Variants in WDR70 observed in about 807,000 individuals in gnomAD.
WDR70 encodes WD repeat-containing protein 70.
Under a neutral mutation model 88.6 loss-of-function variants are expected in WDR70, and 53 were observed. The observed-to-expected ratio is 0.60, with a 90% CI of 0.48 to 0.75. The LOEUF (loss-of-function observed/expected upper bound fraction) is 0.75. WDR70 is among the 30% of genes least tolerant of loss of function. WDR70 has a pLI of 0.00. For synonymous variants in WDR70, 280 were observed against 270.0 expected, an observed-to-expected ratio of 1.04 and a Z score of -0.36; for missense variants, 610 against 823.2, an observed-to-expected ratio of 0.74 and a Z score of 3.17.
At chr5:37,532,359 A>C (rs531246070) in intron 9 of WDR70, among the ~76,000 whole-genome samples, 1 of 152,144 alleles carries the variant, frequency 6.6e-6, no homozygotes, top group Non-Finnish European at 1.5e-5. Context: ...ATGTTTTCCA[A>C]AGTTTTAGAT....
chr5:37,732,626 G>C (rs1008033907), intron 17 of WDR70, among the ~76,000 whole-genome samples: 2 of 151,926 alleles, frequency 1.3e-5, no homozygotes, highest in African/African-American at 4.8e-5. Flanking sequence ...ATGCTAAAAG[G>C]AGCTTTCTTA....
chr5:37,396,753 CCTGGGAGG>C (rs1749026719), intron 5 of WDR70, among the ~76,000 whole-genome samples, 183 bp downstream of exon 5: 1 of 152,094 alleles, frequency 6.6e-6, no homozygotes, highest in African/African-American at 2.4e-5. Context: ...ATCGCTTGAA[CCTGGGAGG>C]CAGAGGTTGC....
chr5:37,583,948 A>G (rs550117037), intron 9 of WDR70, among the ~76,000 whole-genome samples: 1 of 152,336 alleles, frequency 6.6e-6, no homozygotes, highest in African/African-American at 2.4e-5. Context: ...ATAGCATACA[A>G]ATCCAAAATT....
At chr5:37,616,742 T>A (rs1744355458) in intron 10 of WDR70, among the ~76,000 whole-genome samples, 1 of 152,242 alleles carries the variant, frequency 6.6e-6, no homozygotes, top group South Asian at 2.1e-4. Flanking sequence ...GGACTTTTTG[T>A]CTTATTTGCT....
chr5:37,601,113 A>G (rs555393279), intron 9 of WDR70, among the ~76,000 whole-genome samples: 1 of 152,304 alleles, frequency 6.6e-6, no homozygotes, highest in South Asian at 2.1e-4. Flanking sequence ...GGTTTTAGAG[A>G]AAAAGCTATC....
intron 15 of WDR70, 68 bp downstream of exon 15, chr5:37,723,002 C>A: frequency 6.4e-7 from 1 of 1,570,464 alleles, no homozygotes; most frequent in Non-Finnish European, 8.8e-7. Context: ...GATTGCATAG[C>A]TTTAGAGACA....
In WDR70 at chr5:37,570,905, C is replaced by T. The variant is rs1581403158; in HGVS notation, c.918-34159C>T. Among the ~76,000 whole-genome samples, 4 of 152,164 alleles carry T rather than the reference C, an allele frequency of 2.6e-5. No homozygotes were observed. In the East Asian group the frequency reaches 5.8e-4, roughly 22 times the overall value. On this transcript the variant is annotated intron_variant, in intron 9 of 17. Coordinates refer to ENST00000265107, the MANE Select transcript of WDR70 (RefSeq NM_018034.4). ...CTTCCCCAGCAAAATTATTTTCTTG[C>T]CCTAGTTTGATAGCTATAGTAACAC...
chr5:37,393,663 A>G (rs1299890013), intron 4 of WDR70, among the ~76,000 whole-genome samples: 1 of 151,892 alleles, frequency 6.6e-6, no homozygotes, highest in Non-Finnish European at 1.5e-5. Context: ...TACAATTTCC[A>G]AGGTTCCTCT....
chr5:37,515,624 A>G (rs561811702), intron 8 of WDR70, among the ~76,000 whole-genome samples: 1 of 152,250 alleles, frequency 6.6e-6, no homozygotes, highest in Non-Finnish European at 1.5e-5. Flanking sequence ...CTCCAGGCCT[A>G]TGTATCTTTT....
chr5:37,635,795 T>C (rs554157048), intron 10 of WDR70, among the ~76,000 whole-genome samples: 2 of 152,280 alleles, frequency 1.3e-5, no homozygotes, highest in African/African-American at 4.8e-5. Flanking sequence ...CATCTTGAAT[T>C]GTAGTTCACA....
At chr5:37,506,675 A>G in intron 8 of WDR70, 1 of 790,314 alleles carries the variant, frequency 1.3e-6, no homozygotes, top group South Asian at 1.3e-5. Flanking sequence ...ACACAAATAA[A>G]ACATCATCAT....
chr5:37,689,310 T>C (rs1746709601), intron 10 of WDR70, among the ~76,000 whole-genome samples: 1 of 152,224 alleles, frequency 6.6e-6, no homozygotes, highest in African/African-American at 2.4e-5. Flanking sequence ...AATGTCCCTG[T>C]TGAGAGCTCT....
intron 17 of WDR70, among the ~76,000 whole-genome samples, chr5:37,733,447 G>A (rs1247166434): frequency 6.6e-6 from 1 of 152,038 alleles, no homozygotes; most frequent in Non-Finnish European, 1.5e-5. Flanking sequence ...TTTCAAGTTG[G>A]TTTAACCAGT....
At chr5:37,677,698 A>G (rs1746277743) in intron 10 of WDR70, among the ~76,000 whole-genome samples, 1 of 152,156 alleles carries the variant, frequency 6.6e-6, no homozygotes, top group Non-Finnish European at 1.5e-5. Flanking sequence ...GTGCTGAAAA[A>G]AAATGTGTAT....
chr5:37,563,020 G>T (rs1283285571), intron 9 of WDR70, among the ~76,000 whole-genome samples: 8 of 131,988 alleles, frequency 6.1e-5, no homozygotes, highest in African/African-American at 2.1e-4. Context: ...CCCAGTAGGG[G>T]CGGCCGGGCA....
chr5:37,602,212 G>GTATA (rs374822354), intron 9 of WDR70, among the ~76,000 whole-genome samples: 1 of 151,542 alleles, frequency 6.6e-6, no homozygotes, highest in African/African-American at 2.4e-5. Flanking sequence ...AGAACTTAAA[G>GTATA]TATATATATA....
At chr5:37,561,019 C>T (rs1486284466) in intron 9 of WDR70, among the ~76,000 whole-genome samples, 1 of 151,678 alleles carries the variant, frequency 6.6e-6, no homozygotes, top group East Asian at 1.9e-4. Context: ...CTGAGCCGGC[C>T]ATGTGGTACA....
intron 10 of WDR70, among the ~76,000 whole-genome samples, chr5:37,650,462 A>G (rs1745371386): frequency 6.6e-6 from 1 of 152,176 alleles, no homozygotes; most frequent in Admixed American, 6.5e-5. Context: ...ATCAAGGACT[A>G]CTTGGTAAAG....
chr5:37,523,667 C>T (rs188627613), intron 9 of WDR70, among the ~76,000 whole-genome samples: 36 of 152,128 alleles, frequency 2.4e-4, no homozygotes, highest in Non-Finnish European at 4.1e-4. Flanking sequence ...AGGCTTCAGA[C>T]GATCAAACTT....
Sources: allele counts gnomAD v4.1 joint callset (sites outside exome capture counted in the v4.1 genomes callset), GRCh38; gene constraint gnomAD v4.1.1; transcripts MANE v1.5; gene names NCBI Gene and HGNC (gene_info 2026-07-23, HGNC 2026-07-21).